Variants in VDAC1 observed in about 807,000 individuals in gnomAD.
The protein encoded by VDAC1 is non-selective voltage-gated ion channel VDAC1.
Under a neutral mutation model 34.7 loss-of-function variants are expected in VDAC1, and 10 were observed. The observed-to-expected ratio is 0.29, with a 90% confidence interval of 0.18 to 0.49. The LOEUF (loss-of-function observed/expected upper bound fraction) is 0.49. Among genes scored for constraint, VDAC1 ranks in the 20% least tolerant of loss-of-function variants. VDAC1 has a pLI of 0.99. For missense variants in VDAC1, 230 were observed against 347.9 expected (o/e 0.66, Z 2.69); for synonymous variants, 130 against 136.0 (o/e 0.96, Z 0.30).
At chr5:134,054,458 C>CTTT in the VDAC1 span, among the ~76,000 whole-genome samples, 947 of 123,544 alleles carry the variant, frequency 7.7e-3, 28 homozygotes, top group African/African-American at 0.017. Flanking sequence ...TCCTTCCTTC[C>CTTT]TTTTTTTTTT....
At chr5:134,096,349 A>G in the VDAC1 span, among the ~76,000 whole-genome samples, 3 of 152,196 alleles carry the variant, frequency 2.0e-5, no homozygotes, top group South Asian at 2.1e-4. Flanking sequence ...GTGACAAGGC[A>G]TCTAAAAGAT....
At chr5:134,001,642 G>C (rs573433784) in intron 1 of VDAC1, among the ~76,000 whole-genome samples, 10 of 149,452 alleles carry the variant, frequency 6.7e-5, no homozygotes, top group Non-Finnish European at 1.3e-4. Context: ...GCTTGAACCC[G>C]AGAGGTAGAG....
chr5:134,065,337 ATTTTTTTT>A, the VDAC1 span, among the ~76,000 whole-genome samples: 12 of 101,386 alleles, frequency 1.2e-4, no homozygotes, highest in Admixed American at 2.2e-4. Context: ...TTTAATTTTA[ATTTTTTTT>A]TTTTTTTTTT....
At chr5:134,069,609 C>T in the VDAC1 span, among the ~76,000 whole-genome samples, 1 of 152,222 alleles carries the variant, frequency 6.6e-6, no homozygotes, top group Non-Finnish European at 1.5e-5. Context: ...CACACTATGG[C>T]CTTTGGGGAG....
the VDAC1 span, among the ~76,000 whole-genome samples, chr5:134,085,066 T>TTTTTC: frequency 0.24 from 29,833 of 126,716 alleles, 5,420 homozygotes; most frequent in African/African-American, 0.5. Flanking sequence ...ATGATCTCTT[T>TTTTTC]TTTTCTTTTC....
the VDAC1 span, among the ~76,000 whole-genome samples, chr5:134,028,233 A>G: frequency 1.3e-5 from 2 of 151,976 alleles, no homozygotes; most frequent in African/African-American, 4.8e-5. Context: ...TCCAGGTTCA[A>G]GCAATTCTCC....
the VDAC1 span, among the ~76,000 whole-genome samples, chr5:134,042,422 C>T: frequency 3.3e-5 from 5 of 152,186 alleles, no homozygotes; most frequent in Non-Finnish European, 1.5e-5. Context: ...TGACCTGCCC[C>T]GTGGTAACTT....
At chr5:134,035,114 C>T in the VDAC1 span, among the ~76,000 whole-genome samples, 3 of 151,984 alleles carry the variant, frequency 2.0e-5, no homozygotes, top group Admixed American at 1.3e-4. Context: ...ATAGCAAGGA[C>T]CAGGCTCTTG....
intron 3 of VDAC1, 80 bp from the exon 4 acceptor site, chr5:133,991,234 C>G (rs1415156117): frequency 3.2e-6 from 5 of 1,571,598 alleles, no homozygotes; most frequent in East Asian, 4.5e-5. Flanking sequence ...CTATACTTGC[C>G]TTTCTGCAAG....
At chr5:134,110,919 A>G in the VDAC1 span, among the ~76,000 whole-genome samples, 2 of 152,224 alleles carry the variant, frequency 1.3e-5, no homozygotes, top group Non-Finnish European at 2.9e-5. Context: ...CCATGAGAAC[A>G]TTCAGATGAT....
chr5:133,976,248 G>C, intron 6 of VDAC1: 1 of 477,106 alleles, frequency 2.1e-6, no homozygotes. Context: ...GCTCACACCT[G>C]TAATCCCAGC....
At chr5:134,076,546 C>G in the VDAC1 span, among the ~76,000 whole-genome samples, 1 of 152,206 alleles carries the variant, frequency 6.6e-6, no homozygotes. Context: ...CCCGAGCACC[C>G]AGCACAGCCC....
chr5:133,995,653 T>C (rs1753271484), intron 1 of VDAC1, among the ~76,000 whole-genome samples: 1 of 152,134 alleles, frequency 6.6e-6, no homozygotes, highest in South Asian at 2.1e-4. Flanking sequence ...GCCCATCCCC[T>C]GCTGCACTGA....
the VDAC1 span, among the ~76,000 whole-genome samples, chr5:134,034,507 G>A: frequency 2.0e-5 from 3 of 152,190 alleles, no homozygotes; most frequent in African/African-American, 7.2e-5. Context: ...CACTAGCCCG[G>A]GAAGCCCAGA....
chr5:134,046,857 T>A, the VDAC1 span, among the ~76,000 whole-genome samples: 1 of 152,222 alleles, frequency 6.6e-6, no homozygotes, highest in Non-Finnish European at 1.5e-5. Flanking sequence ...GCTTAGTGCC[T>A]CCAGGCCTCG....
At chr5:134,010,596 C>T in the VDAC1 span, among the ~76,000 whole-genome samples, 1 of 152,066 alleles carries the variant, frequency 6.6e-6, no homozygotes, top group African/African-American at 2.4e-5. Context: ...GAGACTTTGT[C>T]TCAAAACAAC....
At position 134,002,298 on chromosome 5, in the gene VDAC1, C is replaced by G. The variant is rs915665560; in HGVS notation, c.-7+2597G>C. On this transcript the variant is annotated intron_variant, in intron 1 of 8. Coordinates refer to ENST00000265333, the MANE Select transcript of VDAC1 (RefSeq NM_003374.3). ...CCCACTTTCTGAGCTACGAATAACCCCTGCCTATAGCCCCACTCTAGAATA... is the reference window on the plus strand; with the variant it reads ...CCCACTTTCTGAGCTACGAATAACCGCTGCCTATAGCCCCACTCTAGAATA... Among the ~76,000 whole-genome samples, 3 of 152,198 alleles carry G rather than the reference C, an allele frequency of 2.0e-5. No homozygotes were observed. The East Asian group carries it at 5.8e-4, about 29-fold the overall frequency.
chr5:134,041,183 G>T, the VDAC1 span, among the ~76,000 whole-genome samples: 1 of 152,182 alleles, frequency 6.6e-6, no homozygotes, highest in Non-Finnish European at 1.5e-5. Flanking sequence ...TGACCCGCAG[G>T]CTCCTTCCGA....
chr5:134,007,047 C>T (rs1324691929), upstream of VDAC1, among the ~76,000 whole-genome samples: 2 of 151,854 alleles, frequency 1.3e-5, no homozygotes, highest in East Asian at 3.9e-4. Flanking sequence ...AGTTCGAGAC[C>T]AGCCTTACCA....
Sources: allele counts gnomAD v4.1 joint callset (sites outside exome capture counted in the v4.1 genomes callset), GRCh38; gene constraint gnomAD v4.1.1; transcripts MANE v1.5; gene names NCBI Gene and HGNC (gene_info 2026-07-23, HGNC 2026-07-21).